TSNAX: variants seen among roughly 807,000 people sequenced by gnomAD.
TSNAX encodes translin-associated protein X.
TSNAX carries 12 observed loss-of-function variants against 33.0 expected under a neutral mutation model. The ratio of observed to expected loss-of-function variants is 0.36; its 90% CI spans 0.23 to 0.59. TSNAX has a LOEUF of 0.59. TSNAX is among the 20% of genes least tolerant of loss of function. TSNAX has a pLI of 0.74. For missense variants in TSNAX, 267 were observed against 341.3 expected, an observed-to-expected ratio of 0.78 and a Z score of 1.72; for synonymous variants, 110 against 117.2, an observed-to-expected ratio of 0.94 and a Z score of 0.40.
intron 2 of TSNAX, among the ~76,000 whole-genome samples, chr1:231,532,277 A>C (rs1038532756): frequency 6.7e-6 from 1 of 149,764 alleles, no homozygotes; most frequent in Non-Finnish European, 1.5e-5. Flanking sequence ...CTGCAAGCGT[A>C]GCCTCTTGGG....
At chr1:231,540,462 C>T (rs539791847) in intron 3 of TSNAX, among the ~76,000 whole-genome samples, 53 of 152,254 alleles carry the variant, frequency 3.5e-4, no homozygotes, top group African/African-American at 1.2e-3. Context: ...GTTTTCCAGA[C>T]GACTTTCTGA....
At chr1:231,534,336 T>G (rs1418678212) in intron 2 of TSNAX, 1 of 152,124 alleles carries the variant, frequency 6.6e-6, no homozygotes, top group African/African-American at 2.4e-5. Flanking sequence ...CTAAAGTATA[T>G]TTTAGAAATG....
intron 4 of TSNAX, chr1:231,554,626 G>C (rs929410665): frequency 6.6e-5 from 10 of 152,192 alleles, no homozygotes; most frequent in Non-Finnish European, 1.3e-4. Flanking sequence ...TGTAGGTAGA[G>C]AAAGATGTGA....
At chr1:231,547,841 CT>C (rs35520639) in intron 4 of TSNAX, among the ~76,000 whole-genome samples, 4,101 of 123,828 alleles carry the variant, frequency 0.033, 158 homozygotes, top group African/African-American at 0.12. Flanking sequence ...CCATTGCTTT[CT>C]TTTTTTTTTT....
At chr1:231,556,791 A>G (rs1482183556) in intron 4 of TSNAX, among the ~76,000 whole-genome samples, 2 of 152,198 alleles carry the variant, frequency 1.3e-5, no homozygotes, top group Non-Finnish European at 1.5e-5. Flanking sequence ...ATGCATACAG[A>G]TATATGTTTA....
intron 4 of TSNAX, among the ~76,000 whole-genome samples, chr1:231,554,213 CCCTT>C (rs1412901610): frequency 1.3e-5 from 2 of 152,182 alleles, no homozygotes; most frequent in African/African-American, 4.8e-5. Context: ...TCAAATTCTG[CCCTT>C]CATCAGTTTG....
intron 3 of TSNAX, among the ~76,000 whole-genome samples, chr1:231,538,468 CTTT>C (rs1175477319): frequency 2.0e-5 from 3 of 152,184 alleles, no homozygotes; most frequent in Non-Finnish European, 2.9e-5. Context: ...ATCTTTGCTT[CTTT>C]GTTTGCTTCA....
intron 2 of TSNAX, among the ~76,000 whole-genome samples, chr1:231,530,961 T>G (rs76952162): frequency 1.3e-5 from 1 of 77,606 alleles, no homozygotes; most frequent in Non-Finnish European, 2.8e-5. Flanking sequence ...AGTTTTTTGG[T>G]TTTTTTTTTT....
At chr1:231,538,804 C>T (rs1408572824) in intron 3 of TSNAX, among the ~76,000 whole-genome samples, 1 of 151,918 alleles carries the variant, frequency 6.6e-6, no homozygotes, top group Admixed American at 6.6e-5. Context: ...TGGTGGTATG[C>T]AAGTGTAGTC....
At chr1:231,534,848 G>A (rs796103495) in intron 2 of TSNAX, 12 of 152,298 alleles carry the variant, frequency 7.9e-5, no homozygotes, top group African/African-American at 2.9e-4. Flanking sequence ...ATACAGTGGT[G>A]AAACAAGTGC....
chr1:231,529,211 C>T (rs749006195), intron 1 of TSNAX, 44 bp from the exon 2 acceptor site: 2 of 1,597,754 alleles, frequency 1.3e-6, no homozygotes, highest in East Asian at 2.2e-5. Context: ...TTTGCAAACT[C>T]TTGGTGATGG....
intron 4 of TSNAX, among the ~76,000 whole-genome samples, chr1:231,549,472 T>C (rs1286464778): frequency 6.6e-6 from 1 of 152,172 alleles, no homozygotes; most frequent in East Asian, 1.9e-4. Flanking sequence ...GTAATGGGGA[T>C]GGGAACTTAA....
At chr1:231,541,363 A>G (rs1443026906) in intron 3 of TSNAX, among the ~76,000 whole-genome samples, 1 of 152,220 alleles carries the variant, frequency 6.6e-6, no homozygotes, top group Non-Finnish European at 1.5e-5. Context: ...TTACTTTGCC[A>G]GTGAAGGTCA....
chr1:231,533,731 T>C (rs1658947613), intron 2 of TSNAX, among the ~76,000 whole-genome samples: 1 of 151,862 alleles, frequency 6.6e-6, no homozygotes, highest in Admixed American at 6.5e-5. Flanking sequence ...TTGCCACTTT[T>C]GCTTTATTAT....
intron 4 of TSNAX, 48 bp downstream of exon 4, chr1:231,542,659 T>C (rs1659654296): frequency 6.4e-7 from 1 of 1,572,266 alleles, no homozygotes; most frequent in Non-Finnish European, 8.7e-7. Context: ...AATGGTGTGC[T>C]ACATGATTAA....
intron 4 of TSNAX, among the ~76,000 whole-genome samples, chr1:231,555,267 C>T (rs1313492161): frequency 6.6e-6 from 1 of 152,110 alleles, no homozygotes; most frequent in Non-Finnish European, 1.5e-5. Flanking sequence ...GTGGATGAAG[C>T]TTGAAGACAT....
chr1:231,555,959 A>G lies in TSNAX; in HGVS notation c.368-5169A>G, dbSNP rs895904970. Reference sequence around the variant, plus strand: ...TGGATAATGAAAGATGAATAATTTTAAATTTCATAGTTGCACAATGGAAGA... The same window carrying G: ...TGGATAATGAAAGATGAATAATTTTGAATTTCATAGTTGCACAATGGAAGA... On this transcript the variant is annotated intron_variant, in intron 4 of 5. Coordinates refer to ENST00000366639, the MANE Select transcript of TSNAX (RefSeq NM_005999.3). 5.9e-5 allele frequency among the ~76,000 whole-genome samples: 9 copies of G among 152,324 alleles called. No individual in the cohort carries two copies. In the South Asian group the frequency reaches 1.9e-3, roughly 32 times the overall value.
chr1:231,553,185 C>G (rs534620573), intron 4 of TSNAX, among the ~76,000 whole-genome samples: 2 of 152,142 alleles, frequency 1.3e-5, no homozygotes, highest in Non-Finnish European at 2.9e-5. Flanking sequence ...AAAGTTGAGT[C>G]ATGTGAGGTT....
Position 231,529,368 on chromosome 1 carries a change from T to A in TSNAX, c.121+9T>A, listed in dbSNP as rs199504436. 281 of 1,613,284 alleles carry A rather than the reference T, an allele frequency of 1.7e-4. No homozygotes were observed. The highest frequency in any genetic ancestry group is 2.3e-4 in the Non-Finnish European group (271 of 1,179,450). On this transcript the variant is annotated intron_variant, in intron 2 of 5. Coordinates refer to ENST00000366639, the MANE Select transcript of TSNAX (RefSeq NM_005999.3). Reference sequence around the variant, plus strand: ...GATGTTGGCCTTTAAATGTAAGTTCTCTGCAATGTAAGTTGAAGAAGGGGA... The same window carrying A: ...GATGTTGGCCTTTAAATGTAAGTTCACTGCAATGTAAGTTGAAGAAGGGGA...
Sources: gnomAD v4.1 joint callset for allele counts (sites outside exome capture counted in the v4.1 genomes callset) on GRCh38, gnomAD v4.1.1 for gene constraint, MANE v1.5 for transcripts, NCBI Gene and HGNC (gene_info 2026-07-23, HGNC 2026-07-21) for gene names.